The following GABRB1 variants were observed in gnomAD, a reference collection of about 807,000 sequenced individuals.
GABRB1 encodes the protein gamma-aminobutyric acid type A receptor subunit beta1, also known as gamma-aminobutyric acid receptor subunit beta-1.
GABRB1 carries 17 observed loss-of-function variants against 51.6 expected under a neutral mutation model. That is an observed-to-expected ratio of 0.33 (90% CI 0.23 to 0.49). GABRB1 has a LOEUF of 0.49. Among genes scored for constraint, GABRB1 ranks in the 20% least tolerant of loss-of-function variants. The pLI, the probability that GABRB1 is intolerant of heterozygous loss-of-function variation, is 0.99. For missense variants in GABRB1, 410 were observed against 600.6 expected, an observed-to-expected ratio of 0.68 and a Z score of 3.32; for synonymous variants, 247 against 218.9, an observed-to-expected ratio of 1.13 and a Z score of -1.14.
intron 4 of GABRB1, among the ~76,000 whole-genome samples, chr4:47,289,045 T>C (rs1723625975): frequency 6.6e-6 from 1 of 152,162 alleles, no homozygotes; most frequent in Non-Finnish European, 1.5e-5. Flanking sequence ...GCCTCTTTTT[T>C]TTTTGGCCTG....
intron 4 of GABRB1, among the ~76,000 whole-genome samples, chr4:47,212,570 T>A (rs1019100267): frequency 1.3e-5 from 2 of 152,072 alleles, no homozygotes; most frequent in African/African-American, 4.8e-5. Flanking sequence ...TCCCAGCTAC[T>A]AGGAAGGCTA....
intron 3 of GABRB1, among the ~76,000 whole-genome samples, chr4:47,047,746 AT>A (rs748311509): frequency 6.6e-6 from 1 of 152,134 alleles, no homozygotes; most frequent in Non-Finnish European, 1.5e-5. Context: ...GAAATGTTTG[AT>A]CCATTTGCTG....
chr4:47,386,258 G>A (rs1444644445), intron 5 of GABRB1, among the ~76,000 whole-genome samples: 1 of 152,132 alleles, frequency 6.6e-6, no homozygotes, highest in African/African-American at 2.4e-5. Context: ...TGTCACCCAA[G>A]AAATTCCAAG....
chr4:47,279,262 A>G (rs1723191933), intron 4 of GABRB1, among the ~76,000 whole-genome samples: 1 of 152,176 alleles, frequency 6.6e-6, no homozygotes, highest in South Asian at 2.1e-4. Context: ...AAATAAACAA[A>G]CAAACAAAAT....
At chr4:46,993,679 C>G (rs1723869492), upstream of GABRB1, 2 of 419,806 alleles carry the variant, frequency 4.8e-6, no homozygotes, top group Non-Finnish European at 8.7e-6. Flanking sequence ...TACCGCTCCA[C>G]ACCCTTTCGT....
intron 4 of GABRB1, among the ~76,000 whole-genome samples, chr4:47,185,671 T>C (rs1334082440): frequency 1.3e-5 from 2 of 151,868 alleles, no homozygotes; most frequent in Non-Finnish European, 2.9e-5. Context: ...TTCAATCTCC[T>C]AGTGCTTCAG....
chr4:47,236,779 T>C (rs1721348928), intron 4 of GABRB1, among the ~76,000 whole-genome samples: 1 of 152,198 alleles, frequency 6.6e-6, no homozygotes, highest in African/African-American at 2.4e-5. Flanking sequence ...TTTGCTTTCT[T>C]GAATGTTCTT....
At chr4:47,070,269 C>CAG (rs1727272752) in intron 3 of GABRB1, among the ~76,000 whole-genome samples, 1 of 152,134 alleles carries the variant, frequency 6.6e-6, no homozygotes. Context: ...CTCCTGACCT[C>CAG]GTGAGATCCA....
intron 5 of GABRB1, among the ~76,000 whole-genome samples, chr4:47,388,539 A>G (rs1482279926): frequency 6.6e-6 from 1 of 152,194 alleles, no homozygotes; most frequent in East Asian, 1.9e-4. Context: ...CTATGATCGC[A>G]AATCTGGGGA....
chr4:47,095,035 T>G (rs909981807), intron 3 of GABRB1, among the ~76,000 whole-genome samples: 3 of 152,050 alleles, frequency 2.0e-5, no homozygotes, highest in African/African-American at 7.2e-5. Context: ...AAAAAAATAT[T>G]CCTGAGACAG....
At chr4:47,386,936 A>G (rs185678584) in intron 5 of GABRB1, among the ~76,000 whole-genome samples, 7 of 152,334 alleles carry the variant, frequency 4.6e-5, no homozygotes, top group Non-Finnish European at 1.0e-4. Flanking sequence ...AGAGATATAG[A>G]CGAAAGGCTA....
intron 3 of GABRB1, among the ~76,000 whole-genome samples, chr4:47,093,970 A>T (rs1714262844): frequency 6.6e-6 from 1 of 151,894 alleles, no homozygotes; most frequent in South Asian, 2.1e-4. Context: ...GCTATTGAAA[A>T]GTGATCACTA....
At chr4:47,367,304 A>G (rs1384284188) in intron 5 of GABRB1, among the ~76,000 whole-genome samples, 1 of 152,176 alleles carries the variant, frequency 6.6e-6, no homozygotes, top group African/African-American at 2.4e-5. Context: ...CCCTGCTTAG[A>G]CTGTAAGCAA....
chr4:47,394,304 C>T (rs1219643957), intron 5 of GABRB1, among the ~76,000 whole-genome samples: 1 of 152,202 alleles, frequency 6.6e-6, no homozygotes, highest in Non-Finnish European at 1.5e-5. Flanking sequence ...GGTTCCTATT[C>T]AGGCTTTGAT....
intron 4 of GABRB1, among the ~76,000 whole-genome samples, chr4:47,296,945 A>G (rs1224682868): frequency 1.3e-5 from 2 of 152,200 alleles, no homozygotes; most frequent in Admixed American, 6.5e-5. Context: ...AGAACTCAGA[A>G]TTAAGAAACT....
chr4:47,397,463 C>G (rs1005993995), intron 5 of GABRB1, among the ~76,000 whole-genome samples: 1 of 152,022 alleles, frequency 6.6e-6, no homozygotes, highest in Non-Finnish European at 1.5e-5. Context: ...TTATTGTTAC[C>G]CATTGATCTT....
chr4:47,412,181 C>G (rs1266742190), intron 8 of GABRB1, among the ~76,000 whole-genome samples: 1 of 152,132 alleles, frequency 6.6e-6, no homozygotes, highest in Non-Finnish European at 1.5e-5. Context: ...ATCTGTTTCT[C>G]CTTTTAAGCT....
intron 3 of GABRB1, among the ~76,000 whole-genome samples, chr4:47,153,465 A>G (rs1253320620): frequency 6.6e-6 from 1 of 152,092 alleles, no homozygotes; most frequent in Non-Finnish European, 1.5e-5. Flanking sequence ...AATTGGATTC[A>G]TCATCAAAAA....
chr4:47,245,792 A>G (rs1268903718), intron 4 of GABRB1, among the ~76,000 whole-genome samples: 1 of 150,566 alleles, frequency 6.6e-6, no homozygotes, highest in Non-Finnish European at 1.5e-5. Context: ...AGCATTGTGC[A>G]TACTGTGGTC....
Sources: gnomAD v4.1 joint callset for allele counts (sites outside exome capture counted in the v4.1 genomes callset) on GRCh38, gnomAD v4.1.1 for gene constraint, MANE v1.5 for transcripts, NCBI Gene and HGNC (gene_info 2026-07-23, HGNC 2026-07-21) for gene names.